PXMP2: variants seen among roughly 807,000 people sequenced by gnomAD.
PXMP2 encodes the protein peroxisomal membrane protein 2, also known as 22 kDa peroxisomal membrane protein.
Under a neutral mutation model 20.2 loss-of-function variants are expected in PXMP2, and 13 were observed. The observed-to-expected ratio is 0.64, with a 90% CI of 0.42 to 1.02. The LOEUF (loss-of-function observed/expected upper bound fraction) is 1.02. Among genes scored for constraint, PXMP2 ranks in the 50% least tolerant of loss-of-function variants. The probability of loss-of-function intolerance (pLI) is 0.00; values close to 1 mark genes in which losing one functional copy is unlikely to be tolerated. For missense variants in PXMP2, 284 were observed against 251.8 expected (o/e 1.13, Z -0.87); for synonymous variants, 113 against 111.2 (o/e 1.02, Z -0.10).
chr12:132,701,604 G>A (rs2043442395), intron 4 of PXMP2: 1 of 552,136 alleles, frequency 1.8e-6, no homozygotes, highest in Non-Finnish European at 3.1e-6. Flanking sequence ...ACAGAGAAGG[G>A]TGTCCCGAGT....
At chr12:132,695,120 G>C (rs2043403358) in intron 2 of PXMP2, among the ~76,000 whole-genome samples, 1 of 149,190 alleles carries the variant, frequency 6.7e-6, no homozygotes. Flanking sequence ...TTGCCAGTTA[G>C]TTAATGAGCT....
At chr12:132,691,394 G>A (rs113234656) in intron 2 of PXMP2, among the ~76,000 whole-genome samples, 4 of 152,114 alleles carry the variant, frequency 2.6e-5, no homozygotes, top group South Asian at 2.1e-4. Context: ...TAAATGCTTC[G>A]GTACCCTGAA....
chr12:132,698,647 G>T (rs939727096), intron 3 of PXMP2, among the ~76,000 whole-genome samples: 10 of 151,784 alleles, frequency 6.6e-5, no homozygotes, highest in African/African-American at 2.4e-4. Flanking sequence ...TCTTTTTTTT[G>T]AGATGGAGTC....
chr12:132,702,394 G>A (rs1449171680), intron 4 of PXMP2: 1 of 284,378 alleles, frequency 3.5e-6, no homozygotes, highest in African/African-American at 2.3e-5. Context: ...GGAGCTCCAG[G>A]CTCTGCCACT....
intron 1 of PXMP2, among the ~76,000 whole-genome samples, chr12:132,689,378 G>A (rs1214360026): frequency 6.6e-6 from 1 of 152,198 alleles, no homozygotes; most frequent in Admixed American, 6.5e-5. Flanking sequence ...AAGAAGTGGA[G>A]CAGAGGCTCT....
chr12:132,695,103 A>C (rs1246605587), intron 2 of PXMP2, among the ~76,000 whole-genome samples: 1 of 139,482 alleles, frequency 7.2e-6, no homozygotes, highest in African/African-American at 2.8e-5. Flanking sequence ...TTAGTTAGAG[A>C]GCTCCCTTGC....
At chr12:132,688,935 T>C (rs1185547484) in intron 1 of PXMP2, among the ~76,000 whole-genome samples, 1 of 15,486 alleles carries the variant, frequency 6.5e-5, no homozygotes, top group Non-Finnish European at 1.3e-4. Flanking sequence ...GAGCGGGTCC[T>C]CATGGAGCGT....
chr12:132,687,788 A>C lies in PXMP2; in HGVS notation c.118A>C (p.Thr40Pro), dbSNP rs768069823. ...RLYPVLTKAA[T>P]SGILSALGNF... ...CTACCCGGTGCTCACCAAGGCGGCCACCAGGTGAGCGGGGGCGCGGGAATC... is the reference window on the plus strand; with the variant it reads ...CTACCCGGTGCTCACCAAGGCGGCCCCCAGGTGAGCGGGGGCGCGGGAATC... The change falls in exon 1 of 5, where the codon ACC (threonine) becomes CCC (proline). Residue 40 changes from threonine (T) to proline (P), a missense_variant. Physicochemically the swap from Thr to Pro is conservative, Grantham distance 38. Coordinates refer to ENST00000317479, the MANE Select transcript of PXMP2 (RefSeq NM_018663.3). 8.6e-7 allele frequency: 1 copy of C among 1,160,698 alleles called. No homozygotes were observed. Among genetic ancestry groups the C allele is most frequent in the East Asian group, 4.2e-5 (1 of 23,752 alleles). 71.9% of individuals were successfully genotyped at this position (1,160,698 alleles called of 1,614,324 possible). A position where few individuals can be genotyped will look rare whatever the true frequency, so the allele number is the denominator to read the frequency against.
rs67730658 is a variant in PXMP2, at chr12:132,699,526, C to CTTTTT, written c.400-1706_400-1702dup. On this transcript the variant is annotated intron_variant, in intron 3 of 4. Coordinates refer to ENST00000317479, the MANE Select transcript of PXMP2 (RefSeq NM_018663.3). ...AATCGACGTCACTGCAAAAGACATG[C>CTTTTT]TTTTTTTTTTTTTTTTTTTTTTGAC... 3.2e-4 allele frequency among the ~76,000 whole-genome samples: 32 copies of CTTTTT among 100,520 alleles called. 2 individuals are homozygous for CTTTTT. The highest frequency in any genetic ancestry group is 1.2e-3 in the African/African-American group (31 of 25,430). 65.9% of individuals were successfully genotyped at this position (100,520 alleles called of 152,430 possible).
In PXMP2 at chr12:132,696,129, G is replaced by A; in HGVS notation, c.399+83G>A. 1.4e-6 allele frequency: 2 copies of A among 1,406,778 alleles called. No individual in the cohort carries two copies. Among genetic ancestry groups the A allele is most frequent in the Admixed American group, 2.6e-5 (1 of 38,916 alleles). The allele number at this position is 1,406,778 out of a possible 1,614,324, so 87.1% of individuals were successfully genotyped here. ...CTGACATTCTCGGCAGAATTCAGAGGGTCTGCAGATTTTTCACTCAAATTG... is the reference window on the plus strand; with the variant it reads ...CTGACATTCTCGGCAGAATTCAGAGAGTCTGCAGATTTTTCACTCAAATTG... On this transcript the variant is annotated intron_variant, in intron 3 of 4. Coordinates refer to ENST00000317479, the MANE Select transcript of PXMP2 (RefSeq NM_018663.3). This position sits in a 1 kb window ranked among gnomAD's most constrained non-coding sequence, Gnocchi z 4.4.
At chr12:132,693,971 T>G (rs201044880) in intron 2 of PXMP2, among the ~76,000 whole-genome samples, 1 of 58,614 alleles carries the variant, frequency 1.7e-5, no homozygotes, top group Admixed American at 1.6e-4. Flanking sequence ...TGAGCTCCCT[T>G]AGCCAGTTAG....
intron 4 of PXMP2, among the ~76,000 whole-genome samples, chr12:132,703,524 G>A (rs949872078): frequency 2.0e-5 from 3 of 152,186 alleles, no homozygotes; most frequent in African/African-American, 7.2e-5. Context: ...TGATGAGAGA[G>A]GAGAGAGAAA....
chr12:132,698,395 A>G (rs1344365556), intron 3 of PXMP2, among the ~76,000 whole-genome samples: 7 of 152,248 alleles, frequency 4.6e-5, no homozygotes, highest in East Asian at 3.8e-4. Context: ...CAAACATGAC[A>G]TTATTCTCCT....
chr12:132,687,774 TCACCAAGGCGGC>T lies in PXMP2; in HGVS notation c.110_121del (p.Lys37_Thr40del). 1 of 1,177,910 alleles carries T rather than the reference TCACCAAGGCGGC, an allele frequency of 8.5e-7. No homozygotes were observed. Among genetic ancestry groups the T allele is most frequent in the Non-Finnish European group, 1.0e-6 (1 of 954,126 alleles). 73.0% of individuals were successfully genotyped at this position (1,177,910 alleles called of 1,614,324 possible). A position where few individuals can be genotyped will look rare whatever the true frequency, so the allele number is the denominator to read the frequency against. ...CTCTTCCTGCGGCTCTACCCGGTGC[TCACCAAGGCGGC>T]CACCAGGTGAGCGGGGGCGCGGGAA... On this transcript the variant is annotated inframe_deletion, in exon 1 of 5. Coordinates refer to ENST00000317479, the MANE Select transcript of PXMP2 (RefSeq NM_018663.3).
Position 132,704,611 on chromosome 12 carries a change from T to C in PXMP2, c.520-8T>C. 1.4e-6 allele frequency: 2 copies of C among 1,437,286 alleles called. No homozygotes were observed. The highest frequency in any genetic ancestry group is 1.8e-6 in the Non-Finnish European group (2 of 1,089,096). The allele number at this position is 1,437,286 out of a possible 1,614,324, so 89.0% of individuals were successfully genotyped here. On this transcript the variant is annotated splice_region_variant and splice_polypyrimidine_tract_variant and intron_variant, in intron 4 of 4. Coordinates refer to ENST00000317479, the MANE Select transcript of PXMP2 (RefSeq NM_018663.3). ...GACCGTGGCCTGTTGGACTGTTCTT[T>C]TCGGCAGTTCCGGGTGCTCTTCGCC...
At chr12:132,704,008 C>G (rs192399810) in intron 4 of PXMP2, among the ~76,000 whole-genome samples, 1 of 152,070 alleles carries the variant, frequency 6.6e-6, no homozygotes, top group Admixed American at 6.5e-5. Flanking sequence ...CAGGTGTATG[C>G]GGAAGCAGCA....
chr12:132,688,111 G>A (rs2043322655), intron 1 of PXMP2: 1 of 204,066 alleles, frequency 4.9e-6, no homozygotes, highest in African/African-American at 2.4e-5. Context: ...CAAGGGGAGC[G>A]GGTCCGCAGG....
rs1317421974 is a variant in PXMP2, at chr12:132,687,655, C to T, written c.-16C>T. 38 of 1,154,936 alleles carry T rather than the reference C, an allele frequency of 3.3e-5. No individual in the cohort carries two copies. Among genetic ancestry groups the T allele is most frequent in the Non-Finnish European group, 3.8e-5 (36 of 940,500 alleles). The allele number at this position is 1,154,936 out of a possible 1,614,324, so 71.5% of individuals were successfully genotyped here. A position where few individuals can be genotyped will look rare whatever the true frequency, so the allele number is the denominator to read the frequency against. On this transcript the variant is annotated 5_prime_UTR_variant, in exon 1 of 5. In the 5' UTR this introduces an upstream ATG that the reference lacks. Coordinates refer to ENST00000317479, the MANE Select transcript of PXMP2 (RefSeq NM_018663.3). ...GGTGGGGTCGGTGCCCCCGGCGGCA[C>T]GGCGCTGGGGAGGCGATGGCGCCGG...
chr12:132,690,413 C>G, intron 2 of PXMP2, 37 bp downstream of exon 2: 1 of 1,516,984 alleles, frequency 6.6e-7, no homozygotes, highest in Non-Finnish European at 9.1e-7. Context: ...ACCTTGTAGC[C>G]GCTGAGTGCA....
Sources: gnomAD v4.1 joint callset for allele counts (sites outside exome capture counted in the v4.1 genomes callset) on GRCh38, gnomAD v4.1.1 for gene constraint, Gnocchi (gnomAD v3.1) non-coding constraint, MANE v1.5 for transcripts, NCBI Gene and HGNC (gene_info 2026-07-23, HGNC 2026-07-21) for gene names.